The following DPM2 variants were observed in gnomAD, a reference collection of about 807,000 sequenced individuals.
DPM2 encodes dolichol phosphate-mannose biosynthesis regulatory protein.
DPM2 carries 8 observed loss-of-function variants against 12.1 expected under a neutral mutation model. The ratio of observed to expected loss-of-function variants is 0.66; its 90% CI spans 0.39 to 1.19. DPM2 has a LOEUF of 1.19. DPM2 is among the 50% of genes most tolerant of loss of function. The pLI is 0.01. For synonymous variants in DPM2, 38 were observed against 44.7 expected, an observed-to-expected ratio of 0.85 and a Z score of 0.60; for missense variants, 93 against 102.5, an observed-to-expected ratio of 0.91 and a Z score of 0.40.
chr9:127,937,434 C>A lies in DPM2; in HGVS notation c.93G>T (p.Leu31Phe), dbSNP rs1056981361. ...FTYYTAWVIL[L>F]PFIDSQHVIH... is the part of the protein sequence containing the mutation. ...GCAGCGGACGGGGAGAATGACATAC[C>A]AAGAGAATCACCCAGGCGGTGTAGT... Residue 31 changes from leucine (L) to phenylalanine (F), a missense_variant and splice_region_variant, in exon 2 of 4, where the codon TTG becomes TTT. Transcript: ENST00000314392. 4.3e-6 allele frequency: 7 copies of A among 1,611,412 alleles called. No individual in the cohort carries two copies. Among genetic ancestry groups the A allele is most frequent in the East Asian group, 4.5e-5 (2 of 44,874 alleles).
At chr9:127,936,360 TG>T in intron 3 of DPM2, 192 bp downstream of exon 3, 1 of 1,533,674 alleles carries the variant, frequency 6.5e-7, no homozygotes, top group Non-Finnish European at 8.8e-7. Context: ...GACAGGTCAT[TG>T]GAGTCCAAAA....
Position 127,936,660 on chromosome 9 carries a change from C to A in DPM2, c.94-5G>T. 1 of 1,494,780 alleles carries A rather than the reference C, an allele frequency of 6.7e-7. No homozygotes were observed. Among genetic ancestry groups the A allele is most frequent in the African/African-American group, 1.4e-5 (1 of 70,748 alleles). 92.6% of individuals were successfully genotyped at this position (1,494,780 alleles called of 1,614,324 possible). ...ATGCTGACTGTCGATGAATGGCTGG[C>A]ATCGAGGGAAGAGCTCTGGTGTGTC... is the stretch of plus-strand genomic sequence containing the variant. On this transcript the variant is annotated splice_polypyrimidine_tract_variant and splice_region_variant and intron_variant, in intron 2 of 3. Coordinates refer to ENST00000314392, the MANE Select transcript of DPM2 (RefSeq NM_003863.4).
chr9:127,935,525 C>T lies in DPM2; in HGVS notation c.*197G>A, dbSNP rs1033916308. The T allele has an allele frequency of 1.6e-6, 1 of 623,698 alleles. No homozygotes were observed. The allele number at this position is 623,698 out of a possible 1,614,324, so 38.6% of individuals were successfully genotyped here. On this transcript the variant is annotated 3_prime_UTR_variant, in exon 4 of 4. Coordinates refer to ENST00000314392, the MANE Select transcript of DPM2 (RefSeq NM_003863.4). ...GACCGGAGTCTTCCAGGTATCCCTC[C>T]CTCCTAGCTTCTGGAAGTGGGAGTC...
chr9:127,936,678 G>A (rs1831511691), intron 2 of DPM2, 23 bp from the exon 3 acceptor site: 1 of 1,472,836 alleles, frequency 6.8e-7, no homozygotes, highest in African/African-American at 1.4e-5. Flanking sequence ...GAAGAGCTCT[G>A]GTGTGTCTTG....
intron 1 of DPM2, 117 bp from the exon 2 acceptor site, chr9:127,937,640 G>T: frequency 8.5e-7 from 1 of 1,179,962 alleles, no homozygotes; most frequent in East Asian, 2.4e-5. Flanking sequence ...ATGGTAGAGG[G>T]CTGACTAGGG....
intron 3 of DPM2, 90 bp from the exon 4 acceptor site, chr9:127,935,870 C>G (rs1175217572): frequency 7.6e-7 from 1 of 1,319,320 alleles, no homozygotes; most frequent in Non-Finnish European, 1.1e-6. Context: ...CACCCACACA[C>G]AGGGCTGTGA....
chr9:127,936,090 AC>A, intron 3 of DPM2: 2 of 599,238 alleles, frequency 3.3e-6, no homozygotes, highest in East Asian at 5.7e-5. Flanking sequence ...ATACCTACCC[AC>A]CTCCTCCTAC....
chr9:127,936,659 G>A lies in DPM2; in HGVS notation c.94-4C>T, dbSNP rs1588689814. 1 of 1,494,108 alleles carries A rather than the reference G, an allele frequency of 6.7e-7. No homozygotes were observed. The highest frequency in any genetic ancestry group is 2.3e-5 in the Admixed American group (1 of 43,264). The allele number at this position is 1,494,108 out of a possible 1,614,324, so 92.6% of individuals were successfully genotyped here. The stretch of plus-strand genomic sequence containing the variant: ...CATGCTGACTGTCGATGAATGGCTG[G>A]CATCGAGGGAAGAGCTCTGGTGTGT... On this transcript the variant is annotated splice_polypyrimidine_tract_variant and splice_region_variant and intron_variant, in intron 2 of 3. Coordinates refer to ENST00000314392, the MANE Select transcript of DPM2 (RefSeq NM_003863.4).
chr9:127,936,800 G>A (rs1459984752), intron 2 of DPM2, 145 bp from the exon 3 acceptor site: 1 of 666,470 alleles, frequency 1.5e-6, no homozygotes, highest in South Asian at 4.4e-5. Flanking sequence ...CGGCATTTGG[G>A]TGTCGTGGTT....
At position 127,936,572 on chromosome 9, in the gene DPM2, G is replaced by A. The variant is rs35334863; in HGVS notation, c.177C>T (p.Leu59=). The A allele has an allele frequency of 1.6e-3, 2,573 of 1,577,542 alleles. 34 individuals are homozygous for A. The African/African-American group carries it at 0.029, about 18-fold the overall frequency. Reference sequence around the variant, plus strand: ...ACTTACCCACAAACAGGAGCAGCAGGAGGCCTGCAGCCAGTGGGATGGCGA... The same window carrying A: ...ACTTACCCACAAACAGGAGCAGCAGAAGGCCTGCAGCCAGTGGGATGGCGA... ...YAVAIPLAAG[L]LLLLFVGLFI... The change falls in exon 3 of 4, where the codon CTC becomes CTT. Residue 59 remains leucine (L), a synonymous_variant. Coordinates refer to ENST00000314392, the MANE Select transcript of DPM2 (RefSeq NM_003863.4).
intron 1 of DPM2, 42 bp downstream of exon 1, chr9:127,937,776 C>T: frequency 6.2e-7 from 1 of 1,610,436 alleles, no homozygotes. Context: ...CGGGACCCCA[C>T]CCCCAGACGC....
intron 3 of DPM2, chr9:127,936,096 T>G (rs1831500146): frequency 1.8e-6 from 1 of 560,862 alleles, no homozygotes; most frequent in Non-Finnish European, 3.0e-6. Context: ...ACCCACCTCC[T>G]CCTACACCTC....
chr9:127,936,165 CA>C (rs1228540457), intron 3 of DPM2: 1 of 1,008,086 alleles, frequency 9.9e-7, no homozygotes, highest in African/African-American at 1.6e-5. Flanking sequence ...CTGACTCATC[CA>C]AATGACTTTC....
chr9:127,935,642 G>T lies in DPM2; in HGVS notation c.*80C>A. Reference sequence around the variant, plus strand: ...TTGAGGAGCCACTGTGCCTGGACAGGTTCTGCAGGCTCCCCCACTTGGTCC... The same window carrying T: ...TTGAGGAGCCACTGTGCCTGGACAGTTTCTGCAGGCTCCCCCACTTGGTCC... On this transcript the variant is annotated 3_prime_UTR_variant, in exon 4 of 4. Coordinates refer to ENST00000314392, the MANE Select transcript of DPM2 (RefSeq NM_003863.4). 1 of 1,485,582 alleles carries T rather than the reference G, an allele frequency of 6.7e-7. No homozygotes were observed. The highest frequency in any genetic ancestry group is 9.3e-7 in the Non-Finnish European group (1 of 1,074,598). The allele number at this position is 1,485,582 out of a possible 1,614,324, so 92.0% of individuals were successfully genotyped here.
intron 3 of DPM2, 59 bp from the exon 4 acceptor site, chr9:127,935,839 C>G: frequency 6.4e-7 from 1 of 1,553,682 alleles, no homozygotes; most frequent in Non-Finnish European, 8.9e-7. Context: ...GCTGGGAGGC[C>G]AGGGCATGAC....
Position 127,937,568 on chromosome 9 carries a change from C to A in DPM2, c.4-45G>T, listed in dbSNP as rs201572364. 531 of 1,523,696 alleles carry A rather than the reference C, an allele frequency of 3.5e-4. No individual in the cohort carries two copies. The African/African-American group carries it at 4.8e-3, about 14-fold the overall frequency. The allele number at this position is 1,523,696 out of a possible 1,614,324, so 94.4% of individuals were successfully genotyped here. ...CAGCTGACGAAGTGACCCTCTATTT[C>A]GGCGCACTAATGGAAGCGGGGCGTC... On this transcript the variant is annotated intron_variant, in intron 1 of 3. Transcript: ENST00000314392.
chr9:127,936,440 C>A (rs767936134), intron 3 of DPM2, 113 bp downstream of exon 3: 4 of 1,607,688 alleles, frequency 2.5e-6, no homozygotes, highest in South Asian at 1.1e-5. Context: ...GAAAACCCCA[C>A]GGGTGAGTTC....
chr9:127,936,367 C>CA lies in DPM2; in HGVS notation c.196+185dup, dbSNP rs763162990. The CA allele has an allele frequency of 3.3e-5, 50 of 1,537,308 alleles. No individual in the cohort carries two copies. In the South Asian group the frequency reaches 5.2e-4, roughly 16 times the overall value. On this transcript the variant is annotated intron_variant, in intron 3 of 3. Transcript: ENST00000314392. ...AAGAGGTAGACAGGTCATTGGAGTC[C>CA]AAAAAGCCTGGGGCACCAGGAAACC...
At position 127,936,612 on chromosome 9, in the gene DPM2, G is replaced by C; in HGVS notation, c.137C>G (p.Pro46Arg). 1 of 1,528,156 alleles carries C rather than the reference G, an allele frequency of 6.5e-7. No homozygotes were observed. The highest frequency in any genetic ancestry group is 8.8e-7 in the Non-Finnish European group (1 of 1,135,940). The allele number at this position is 1,528,156 out of a possible 1,614,324, so 94.7% of individuals were successfully genotyped here. ...SQHVIHKYFL[P>R]RAYAVAIPLA... ...TGGGATGGCGACAGCATAGGCTCGGGGCAGGAAATACTTGTGGATGACATG... is the reference window on the plus strand; with the variant it reads ...TGGGATGGCGACAGCATAGGCTCGGCGCAGGAAATACTTGTGGATGACATG... The change falls in exon 3 of 4, where the codon CCC becomes CGC. Residue 46 changes from proline to arginine, a missense_variant. Physicochemically the swap from Pro to Arg is moderately radical, Grantham distance 103 (BLOSUM62 -2). Coordinates refer to ENST00000314392, the MANE Select transcript of DPM2 (RefSeq NM_003863.4).
Sources: allele counts gnomAD v4.1 joint callset, GRCh38; gene constraint gnomAD v4.1.1; transcripts MANE v1.5; gene names NCBI Gene and HGNC (gene_info 2026-07-23, HGNC 2026-07-21).